The following MEGF10 variants were observed in gnomAD, a reference collection of about 807,000 sequenced individuals.
MEGF10 encodes multiple EGF like domains 10, also known as multiple epidermal growth factor-like domains protein 10.
A neutral mutation model predicts 147.5 loss-of-function variants in MEGF10; 86 were observed. The ratio of observed to expected loss-of-function variants is 0.58; its 90% confidence interval spans 0.49 to 0.70. MEGF10 has a LOEUF of 0.70. Among genes scored for constraint, MEGF10 ranks in the 30% least tolerant of loss-of-function variants. The pLI is 0.00. For missense variants in MEGF10, 1,329 were observed against 1,487.3 expected (o/e 0.89, Z 1.75); for synonymous variants, 478 against 525.5 (o/e 0.91, Z 1.24).
intron 4 of MEGF10, among the ~76,000 whole-genome samples, chr5:127,363,462 C>G (rs1459448787): frequency 6.6e-6 from 1 of 152,156 alleles, no homozygotes; most frequent in Non-Finnish European, 1.5e-5. Context: ...GCCATGTCTT[C>G]ACACCGGGCA....
At chr5:127,240,277 TA>T in the MEGF10 span, among the ~76,000 whole-genome samples, 1 of 152,218 alleles carries the variant, frequency 6.6e-6, no homozygotes, top group Non-Finnish European at 1.5e-5. Flanking sequence ...TCTATTTGCT[TA>T]GCATGAAGCC....
chr5:127,319,814 A>G (rs893093796), intron 1 of MEGF10, among the ~76,000 whole-genome samples: 5 of 152,254 alleles, frequency 3.3e-5, no homozygotes, highest in Non-Finnish European at 5.9e-5. Flanking sequence ...TAACAGTGGC[A>G]TCAGCCACAG....
At chr5:127,410,340 A>G (rs1267690432) in intron 8 of MEGF10, 49 bp from the exon 9 acceptor site, 1 of 1,558,448 alleles carries the variant, frequency 6.4e-7, no homozygotes, top group South Asian at 1.1e-5. Flanking sequence ...GTTTATTTTC[A>G]CATGGCACTA....
chr5:127,402,426 A>G, intron 7 of MEGF10, 120 bp from the exon 8 acceptor site: 2 of 1,097,640 alleles, frequency 1.8e-6, no homozygotes, highest in Non-Finnish European at 2.6e-6. Flanking sequence ...CTCTAATCTA[A>G]TTTTCTTGCA....
chr5:127,324,242 G>A (rs1280645800), intron 1 of MEGF10, among the ~76,000 whole-genome samples: 1 of 152,080 alleles, frequency 6.6e-6, no homozygotes, highest in Admixed American at 6.6e-5. Flanking sequence ...AGACTCTTAA[G>A]GTTGAGAAGA....
the MEGF10 span, among the ~76,000 whole-genome samples, chr5:127,262,431 A>C: frequency 6.6e-6 from 1 of 152,266 alleles, no homozygotes; most frequent in African/African-American, 2.4e-5. Context: ...TGGAAAATCT[A>C]GTTTCCAGAC....
At chr5:127,315,547 A>G (rs1760508496) in intron 1 of MEGF10, among the ~76,000 whole-genome samples, 1 of 152,094 alleles carries the variant, frequency 6.6e-6, no homozygotes, top group Non-Finnish European at 1.5e-5. Context: ...AGGCTGATAG[A>G]GGTGAATTGC....
chr5:127,273,150 C>G, the MEGF10 span, among the ~76,000 whole-genome samples: 1 of 152,226 alleles, frequency 6.6e-6, no homozygotes, highest in African/African-American at 2.4e-5. Context: ...AGACTCCACA[C>G]AGCAGTGTGT....
chr5:127,246,312 G>C, the MEGF10 span, among the ~76,000 whole-genome samples: 1 of 152,006 alleles, frequency 6.6e-6, no homozygotes, highest in Non-Finnish European at 1.5e-5. Context: ...CCAGAACATG[G>C]ATGAAGCTGG....
chr5:127,279,089 G>A, the MEGF10 span, among the ~76,000 whole-genome samples: 1 of 152,110 alleles, frequency 6.6e-6, no homozygotes, highest in Non-Finnish European at 1.5e-5. Flanking sequence ...CAGCAAGAGA[G>A]GAGCAAATGA....
At chr5:127,442,357 T>C (rs1765784093) in intron 18 of MEGF10, among the ~76,000 whole-genome samples, 2 of 152,222 alleles carry the variant, frequency 1.3e-5, no homozygotes, top group South Asian at 2.1e-4. Flanking sequence ...TTAACATGCT[T>C]ACACTATCCT....
chr5:127,328,528 G>A (rs1167989346), intron 1 of MEGF10, among the ~76,000 whole-genome samples: 1 of 152,094 alleles, frequency 6.6e-6, no homozygotes, highest in East Asian at 1.9e-4. Context: ...CTCTTCACAG[G>A]GCAATGCATC....
chr5:127,383,976 G>A (rs1447212610), intron 5 of MEGF10, among the ~76,000 whole-genome samples: 2 of 152,172 alleles, frequency 1.3e-5, no homozygotes, highest in South Asian at 2.1e-4. Context: ...TTATCCTCAT[G>A]TGTCCAGAAG....
At chr5:127,391,407 C>T (rs1763686202) in intron 5 of MEGF10, among the ~76,000 whole-genome samples, 1 of 151,950 alleles carries the variant, frequency 6.6e-6, no homozygotes, top group Non-Finnish European at 1.5e-5. Context: ...GAAACCTCAT[C>T]TCTACCAAAA....
chr5:127,271,568 T>C, the MEGF10 span, among the ~76,000 whole-genome samples: 5 of 152,168 alleles, frequency 3.3e-5, no homozygotes, highest in South Asian at 4.1e-4. Flanking sequence ...TCTTGAATTG[T>C]AGTTCCCATA....
chr5:127,344,383 A>G (rs1166608405), intron 4 of MEGF10, among the ~76,000 whole-genome samples: 1 of 152,224 alleles, frequency 6.6e-6, no homozygotes, highest in Non-Finnish European at 1.5e-5. Context: ...TACCCATGTT[A>G]AAGATGAGGA....
intron 2 of MEGF10, 100 bp from the exon 3 acceptor site, chr5:127,339,020 G>C: frequency 1.7e-6 from 1 of 590,724 alleles, no homozygotes; most frequent in Non-Finnish European, 2.7e-6. Context: ...CTATGGAGTT[G>C]CAAATGGAGA....
chr5:127,241,309 A>G, the MEGF10 span, among the ~76,000 whole-genome samples: 1 of 152,328 alleles, frequency 6.6e-6, no homozygotes, highest in African/African-American at 2.4e-5. Context: ...GATGAGGTTG[A>G]CAGGGGTGTC....
chr5:127,242,551 G>A, the MEGF10 span, among the ~76,000 whole-genome samples: 2 of 152,196 alleles, frequency 1.3e-5, no homozygotes, highest in Non-Finnish European at 2.9e-5. Flanking sequence ...GCTCATTAAA[G>A]TGGATTTAAA....
Sources: allele counts gnomAD v4.1 joint callset (sites outside exome capture counted in the v4.1 genomes callset), GRCh38; gene constraint gnomAD v4.1.1; transcripts MANE v1.5; gene names NCBI Gene and HGNC (gene_info 2026-07-23, HGNC 2026-07-21).